The following ROBO1 variants were observed in gnomAD, a reference collection of about 807,000 sequenced individuals.
The protein encoded by ROBO1 is roundabout homolog 1.
A neutral mutation model predicts 195.9 loss-of-function variants in ROBO1; 149 were observed. That is an observed-to-expected ratio of 0.76 (90% CI 0.67 to 0.87). ROBO1 has a LOEUF of 0.87. Ranked by LOEUF, ROBO1 falls within the 40% of genes least tolerant of loss-of-function variation. The pLI, the probability that ROBO1 is intolerant of heterozygous loss-of-function variation, is 0.00. For missense variants in ROBO1, 1,933 were observed against 2,068.3 expected (o/e 0.93, Z 1.27); for synonymous variants, 816 against 733.2 (o/e 1.11, Z -1.82).
At chr3:78,968,271 CTTTTT>C (rs35361494) in intron 3 of ROBO1, among the ~76,000 whole-genome samples, 1 of 119,462 alleles carries the variant, frequency 8.4e-6, no homozygotes, top group Admixed American at 8.6e-5. Flanking sequence ...TGTATAGATT[CTTTTT>C]TTTTTTTTTT....
chr3:79,334,687 A>T (rs1351115748), intron 2 of ROBO1, among the ~76,000 whole-genome samples: 1 of 152,102 alleles, frequency 6.6e-6, no homozygotes, highest in Non-Finnish European at 1.5e-5. Flanking sequence ...GGCATATGTA[A>T]TAGTTTCAGA....
At chr3:79,614,139 A>G (rs778356573) in intron 1 of ROBO1, among the ~76,000 whole-genome samples, 1 of 152,066 alleles carries the variant, frequency 6.6e-6, no homozygotes, top group Non-Finnish European at 1.5e-5. Flanking sequence ...CTACACTACC[A>G]ACCAATTTGA....
At chr3:78,881,084 C>T (rs189091855) in intron 4 of ROBO1, among the ~76,000 whole-genome samples, 2 of 152,270 alleles carry the variant, frequency 1.3e-5, no homozygotes, top group East Asian at 3.9e-4. Context: ...TGCGGGGATG[C>T]TGCTTATTCA....
At chr3:78,633,592 T>C (rs1705309586) in intron 24 of ROBO1, among the ~76,000 whole-genome samples, 1 of 152,246 alleles carries the variant, frequency 6.6e-6, no homozygotes, top group Non-Finnish European at 1.5e-5. Context: ...GCAACATATT[T>C]AGCAGGTTAA....
chr3:79,648,708 A>T (rs1456021235), intron 1 of ROBO1, among the ~76,000 whole-genome samples: 1 of 152,258 alleles, frequency 6.6e-6, no homozygotes, highest in Non-Finnish European at 1.5e-5. Flanking sequence ...ATGAATTGTC[A>T]TTATGAGTCT....
chr3:78,995,054 A>G (rs2077328251), intron 3 of ROBO1, among the ~76,000 whole-genome samples: 1 of 152,166 alleles, frequency 6.6e-6, no homozygotes, highest in South Asian at 2.1e-4. Flanking sequence ...AGAAGTGTCT[A>G]TTCTGCTGTC....
intron 1 of ROBO1, among the ~76,000 whole-genome samples, chr3:79,730,788 T>C (rs1334420925): frequency 9.4e-6 from 1 of 106,296 alleles, no homozygotes; most frequent in Non-Finnish European, 2.0e-5. Context: ...TTTTTTTTTT[T>C]TTTTTTTGAG....
chr3:79,015,379 C>A (rs1301700107), intron 3 of ROBO1, among the ~76,000 whole-genome samples: 2 of 143,416 alleles, frequency 1.4e-5, no homozygotes, highest in Non-Finnish European at 1.5e-5. Flanking sequence ...CCCTCCCCCA[C>A]GCCCCCCCCC....
chr3:78,727,143 G>C (rs2082180416), intron 5 of ROBO1, among the ~76,000 whole-genome samples: 1 of 151,690 alleles, frequency 6.6e-6, no homozygotes, highest in African/African-American at 2.4e-5. Flanking sequence ...TAATTATTTT[G>C]TACAAATGAC....
At chr3:79,315,457 T>C (rs1307947849) in intron 2 of ROBO1, among the ~76,000 whole-genome samples, 2 of 152,170 alleles carry the variant, frequency 1.3e-5, no homozygotes. Context: ...AGTGAAAATA[T>C]TCAAACTCTG....
At chr3:79,522,422 C>G (rs1462032876) in intron 2 of ROBO1, among the ~76,000 whole-genome samples, 1 of 151,708 alleles carries the variant, frequency 6.6e-6, no homozygotes, top group Non-Finnish European at 1.5e-5. Context: ...GAGAGACCAC[C>G]TCTCTGAAAT....
chr3:79,683,408 T>G (rs1241617292), intron 1 of ROBO1, among the ~76,000 whole-genome samples: 1 of 152,074 alleles, frequency 6.6e-6, no homozygotes, highest in African/African-American at 2.4e-5. Context: ...ATGTGGAAAA[T>G]TGAGATCAAC....
At chr3:79,485,843 A>G (rs868538164) in intron 2 of ROBO1, among the ~76,000 whole-genome samples, 3 of 152,222 alleles carry the variant, frequency 2.0e-5, no homozygotes, top group Non-Finnish European at 2.9e-5. Context: ...TATTAAATAA[A>G]GTACCAATTT....
chr3:79,226,488 C>A (rs928916839), intron 2 of ROBO1, among the ~76,000 whole-genome samples: 1 of 151,748 alleles, frequency 6.6e-6, no homozygotes, highest in African/African-American at 2.4e-5. Flanking sequence ...ATCATAAAGA[C>A]AATTGTATTT....
intron 1 of ROBO1, among the ~76,000 whole-genome samples, chr3:79,621,170 G>T (rs1310437386): frequency 6.6e-6 from 1 of 152,066 alleles, no homozygotes; most frequent in Non-Finnish European, 1.5e-5. Context: ...CTGTACTGCT[G>T]CAAGGCTTCA....
At chr3:78,987,198 A>T (rs2077128286) in intron 3 of ROBO1, among the ~76,000 whole-genome samples, 1 of 151,894 alleles carries the variant, frequency 6.6e-6, no homozygotes, top group South Asian at 2.1e-4. Context: ...CGTTTTAAAA[A>T]AGAAGAAGAA....
rs115450987 is a variant in ROBO1, at chr3:78,838,647, C to T, written c.500-91747G>A. ...CCAGTTCTCAAAGGACCCAGCTGAG[C>T]GAGAACTCACTTACCCCTGAGAAAG... On this transcript the variant is annotated intron_variant, in intron 4 of 30. Coordinates refer to ENST00000464233, the MANE Select transcript of ROBO1 (RefSeq NM_002941.4). Among the ~76,000 whole-genome samples, 1,152 of 152,126 alleles carry T rather than the reference C, an allele frequency of 7.6e-3. 14 individuals carry two copies. Among genetic ancestry groups the T allele is most frequent in the African/African-American group, 0.026 (1,097 of 41,496 alleles).
At chr3:79,487,250 C>T (rs961388617) in intron 2 of ROBO1, among the ~76,000 whole-genome samples, 1 of 108,122 alleles carries the variant, frequency 9.2e-6, no homozygotes, top group Non-Finnish European at 2.0e-5. Flanking sequence ...AGAGGTCCCA[C>T]CTGAGAAATC....
chr3:79,695,961 A>G (rs1477916695), intron 1 of ROBO1, among the ~76,000 whole-genome samples: 2 of 151,492 alleles, frequency 1.3e-5, no homozygotes, highest in African/African-American at 2.4e-5. Context: ...AATCAAAACA[A>G]AAGAATAGCA....
Sources: gnomAD v4.1 joint callset for allele counts (sites outside exome capture counted in the v4.1 genomes callset) on GRCh38, gnomAD v4.1.1 for gene constraint, MANE v1.5 for transcripts, NCBI Gene and HGNC (gene_info 2026-07-23, HGNC 2026-07-21) for gene names.